Variants in KCNK12 observed in about 807,000 individuals in gnomAD.
KCNK12 encodes potassium channel subfamily K member 12.
Under a neutral mutation model 25.3 loss-of-function variants are expected in KCNK12, and 6 were observed. The observed-to-expected ratio is 0.24, with a 90% CI of 0.13 to 0.47. KCNK12 has a LOEUF of 0.47. Ranked by LOEUF, KCNK12 falls within the 20% of genes least tolerant of loss-of-function variation. KCNK12 has a pLI of 0.99. For missense variants in KCNK12, 444 were observed against 661.7 expected (o/e 0.67, Z 3.61); for synonymous variants, 331 against 311.1 (o/e 1.06, Z -0.67).
At position 47,512,738 on chromosome 2, in the gene KCNK12, C is replaced by T; in HGVS notation, c.*8169G>A. The T allele has an allele frequency of 3.8e-6, 1 of 266,374 alleles. No individual in the cohort carries two copies. Among genetic ancestry groups the T allele is most frequent in the East Asian group, 7.8e-5 (1 of 12,882 alleles). The allele number at this position is 266,374 out of a possible 1,614,324, so 16.5% of individuals were successfully genotyped here. ...AACTCCTTGTTGGATTCCTTCCAAA[C>T]AGGTTTACCACTGGGAGAGCCTGTT... On this transcript the variant is annotated 3_prime_UTR_variant, in exon 2 of 2. Transcript: ENST00000327876.
intron 1 of KCNK12, among the ~76,000 whole-genome samples, chr2:47,554,792 G>A (rs1397740069): frequency 1.3e-5 from 2 of 152,240 alleles, no homozygotes; most frequent in African/African-American, 2.4e-5. Context: ...TGGTTAGAAC[G>A]CTAACTTAGT....
rs1365182857 is a variant in KCNK12, at chr2:47,519,652, A to G, written c.*1255T>C. 6.6e-6 allele frequency: 1 copy of G among 152,260 alleles called. No individual in the cohort carries two copies. The highest frequency in any genetic ancestry group is 2.4e-5 in the African/African-American group (1 of 41,444). The allele number at this position is 152,260 out of a possible 1,614,324, so 9.4% of individuals were successfully genotyped here. On this transcript the variant is annotated 3_prime_UTR_variant, in exon 2 of 2. Transcript: ENST00000327876. ...AGAGCAAAACTGTAATCCTAACATT[A>G]CTTCCATCCACCAGTTTCACCAGCT...
At chr2:47,537,411 ACCT>A (rs1276660199) in intron 1 of KCNK12, among the ~76,000 whole-genome samples, 2 of 151,280 alleles carry the variant, frequency 1.3e-5, no homozygotes, top group African/African-American at 4.9e-5. Context: ...GCTCTCTGCA[ACCT>A]CCGCCTCCCG....
At chr2:47,539,229 A>G (rs1009210378) in intron 1 of KCNK12, among the ~76,000 whole-genome samples, 1 of 152,240 alleles carries the variant, frequency 6.6e-6, no homozygotes, top group African/African-American at 2.4e-5. Context: ...GCCAGAATTT[A>G]TATCTCCCAT....
chr2:47,530,418 C>T (rs957452254), intron 1 of KCNK12, among the ~76,000 whole-genome samples: 1 of 152,048 alleles, frequency 6.6e-6, no homozygotes, highest in Non-Finnish European at 1.5e-5. Flanking sequence ...GTCACACCCC[C>T]GGGGAGGACA....
Position 47,513,873 on chromosome 2 carries a change from C to A in KCNK12, c.*7034G>T, listed in dbSNP as rs1668462018. On this transcript the variant is annotated 3_prime_UTR_variant, in exon 2 of 2. Transcript: ENST00000327876. ...GGGTGTCCCTCAAATCTCTCCACGT[C>A]TCTGTGTTCTCACTAGCACTACCTT... Among the ~76,000 whole-genome samples, 1 of 152,162 alleles carries A rather than the reference C, an allele frequency of 6.6e-6. No individual in the cohort carries two copies. Among genetic ancestry groups the A allele is most frequent in the Non-Finnish European group, 1.5e-5 (1 of 68,042 alleles).
rs1211158516 is a variant in KCNK12 at position 47,511,117 on chromosome 2, C to T, written c.*9790G>A. Reference sequence around the variant, plus strand: ...CATATGTTTGTTGAGTGAATGAATACAATACCAAACGAATGGACAGGACAG... The same window carrying T: ...CATATGTTTGTTGAGTGAATGAATATAATACCAAACGAATGGACAGGACAG... On this transcript the variant is annotated 3_prime_UTR_variant, in exon 2 of 2. Transcript: ENST00000327876. The surrounding 1 kb of genome is among the most constrained non-coding windows in gnomAD (Gnocchi z 4.3). 6.6e-6 allele frequency among the ~76,000 whole-genome samples: 1 copy of T among 152,214 alleles called. No individual in the cohort carries two copies. The highest frequency in any genetic ancestry group is 2.4e-5 in the African/African-American group (1 of 41,440).
intron 1 of KCNK12, chr2:47,563,363 G>A: frequency 4.3e-6 from 1 of 233,648 alleles, no homozygotes; most frequent in Non-Finnish European, 8.5e-6. Context: ...GTGTGTCTGT[G>A]TGTGCTGTTT....
At position 47,548,677 on chromosome 2, in the gene KCNK12, C is replaced by T. The variant is rs1558560146; in HGVS notation, c.391+21264G>A. On this transcript the variant is annotated intron_variant, in intron 1 of 1. Transcript: ENST00000327876. This position sits in a 1 kb window ranked among gnomAD's most constrained non-coding sequence, Gnocchi z 4.4. ...CTCCCACCATAATCAACCAGGAAAC[C>T]GGAAAAAGTCTATGAGATAATTATT... 1.3e-5 allele frequency among the ~76,000 whole-genome samples: 2 copies of T among 152,094 alleles called. No homozygotes were observed. Among genetic ancestry groups the T allele is most frequent in the South Asian group, 2.1e-4 (1 of 4,822 alleles).
chr2:47,564,447 A>G (rs1669750648), intron 1 of KCNK12: 1 of 223,596 alleles, frequency 4.5e-6, no homozygotes, highest in African/African-American at 2.2e-5. Flanking sequence ...ACACCCAGCT[A>G]TCCAGCAATA....
rs1383547305 is a variant in KCNK12 at position 47,548,886 on chromosome 2, G to C, written c.391+21055C>G. The stretch of plus-strand genomic sequence containing the variant: ...TTGAGGGGAGAGAAATTCAGGTTCA[G>C]GGAGGATAAAGCAGCTGTCACTGCT... On this transcript the variant is annotated intron_variant, in intron 1 of 1. Coordinates refer to ENST00000327876, the MANE Select transcript of KCNK12 (RefSeq NM_022055.2). The surrounding 1 kb of genome is among the most constrained non-coding windows in gnomAD (Gnocchi z 4.4). Among the ~76,000 whole-genome samples the C allele has an allele frequency of 6.6e-6, 1 of 152,182 alleles. No homozygotes were observed. Among genetic ancestry groups the C allele is most frequent in the Non-Finnish European group, 1.5e-5 (1 of 68,044 alleles).
rs1669700998 is a variant in KCNK12, at chr2:47,562,626, C to G, written c.391+7315G>C. The G allele has an allele frequency of 4.3e-6, 1 of 233,278 alleles. No individual in the cohort carries two copies. The allele number at this position is 233,278 out of a possible 1,614,324, so 14.5% of individuals were successfully genotyped here. On this transcript the variant is annotated intron_variant, in intron 1 of 1. Transcript: ENST00000327876. This position sits in a 1 kb window ranked among gnomAD's most constrained non-coding sequence, Gnocchi z 4.8. ...ATGGCAGGGTTTGGGGTAGAACTTC[C>G]TGGGGCCAGAGTCTCATAGCAGTGG...
rs576840091 is a variant in KCNK12, at chr2:47,565,703, A to G, written c.391+4238T>C. 1 of 152,378 alleles carries G rather than the reference A, an allele frequency of 6.6e-6. No homozygotes were observed. Among genetic ancestry groups the G allele is most frequent in the Admixed American group, 6.5e-5 (1 of 15,302 alleles). 9.4% of individuals were successfully genotyped at this position (152,378 alleles called of 1,614,324 possible). A position where few individuals can be genotyped will look rare whatever the true frequency, so the allele number is the denominator to read the frequency against. Reference sequence around the variant, plus strand: ...GTTTCCATTTAATCTTTTCAAAGTTAACTGATAAACATCCTTTAGGATGTG... The same window carrying G: ...GTTTCCATTTAATCTTTTCAAAGTTGACTGATAAACATCCTTTAGGATGTG... On this transcript the variant is annotated intron_variant, in intron 1 of 1. Transcript: ENST00000327876. The surrounding 1 kb of genome is among the most constrained non-coding windows in gnomAD (Gnocchi z 5.0).
chr2:47,541,606 A>G (rs551829809), intron 1 of KCNK12, among the ~76,000 whole-genome samples: 5 of 152,130 alleles, frequency 3.3e-5, no homozygotes, highest in Non-Finnish European at 5.9e-5. Flanking sequence ...ATGTTACTGC[A>G]TTGGTAGAAA....
rs953542727 is a variant in KCNK12 at position 47,523,032 on chromosome 2, C to G, written c.392-1224G>C. On this transcript the variant is annotated intron_variant, in intron 1 of 1. Transcript: ENST00000327876. Reference sequence around the variant, plus strand: ...TCAAAAGTCAACTGCAGCTCCTCTTCTTTCCTCAAGTTATTTGGAATTGTG... The same window carrying G: ...TCAAAAGTCAACTGCAGCTCCTCTTGTTTCCTCAAGTTATTTGGAATTGTG... Among the ~76,000 whole-genome samples, 3 of 152,232 alleles carry G rather than the reference C, an allele frequency of 2.0e-5. No individual in the cohort carries two copies. The South Asian group carries it at 6.2e-4, about 32-fold the overall frequency.
chr2:47,566,113 G>A lies in KCNK12; in HGVS notation c.391+3828C>T, dbSNP rs1205386291. 6.6e-6 allele frequency: 1 copy of A among 152,214 alleles called. No individual in the cohort carries two copies. The highest frequency in any genetic ancestry group is 2.4e-5 in the African/African-American group (1 of 41,458). 9.4% of individuals were successfully genotyped at this position (152,214 alleles called of 1,614,324 possible). A position where few individuals can be genotyped will look rare whatever the true frequency, so the allele number is the denominator to read the frequency against. On this transcript the variant is annotated intron_variant, in intron 1 of 1. Transcript: ENST00000327876. This position sits in a 1 kb window ranked among gnomAD's most constrained non-coding sequence, Gnocchi z 4.1. ...ATTTTTATTTCGCTTGAGCTATTCA[G>A]ATTGACTTTCTACACAGCCTGAACG... is the stretch of plus-strand genomic sequence containing the variant.
At chr2:47,526,156 A>G (rs1175739785) in intron 1 of KCNK12, among the ~76,000 whole-genome samples, 1 of 151,842 alleles carries the variant, frequency 6.6e-6, no homozygotes, top group Non-Finnish European at 1.5e-5. Flanking sequence ...GCACTTTGGG[A>G]GGCCAAGGTG....
chr2:47,526,314 G>A, intron 1 of KCNK12, among the ~76,000 whole-genome samples: 1 of 151,376 alleles, frequency 6.6e-6, no homozygotes, highest in African/African-American at 2.4e-5. Context: ...GCTGAGGCAG[G>A]AGAATGCCGT....
intron 1 of KCNK12, among the ~76,000 whole-genome samples, chr2:47,544,951 G>A (rs904017696): frequency 2.0e-5 from 3 of 152,220 alleles, no homozygotes; most frequent in East Asian, 3.8e-4. Flanking sequence ...TAGTGGTGAA[G>A]CTAAAGGCTT....
Sources: allele counts gnomAD v4.1 joint callset (sites outside exome capture counted in the v4.1 genomes callset), GRCh38; gene constraint gnomAD v4.1.1; non-coding constraint Gnocchi (gnomAD v3.1); transcripts MANE v1.5; gene names NCBI Gene and HGNC (gene_info 2026-07-23, HGNC 2026-07-21).